RAB31: variants seen among roughly 807,000 people sequenced by gnomAD.
RAB31 encodes ras-related protein Rab-31.
Under a neutral mutation model 25.6 loss-of-function variants are expected in RAB31, and 21 were observed. The observed-to-expected ratio is 0.82, with a 90% CI of 0.58 to 1.18. The LOEUF (loss-of-function observed/expected upper bound fraction) is 1.18, where lower values mean the gene tolerates loss of function less well. Among genes scored for constraint, RAB31 ranks in the 50% most tolerant of loss-of-function variants. RAB31 has a pLI of 0.00. For synonymous variants in RAB31, 87 were observed against 84.0 expected (o/e 1.04, Z -0.20); for missense variants, 196 against 250.1 (o/e 0.78, Z 1.46).
intron 3 of RAB31, among the ~76,000 whole-genome samples, chr18:9,810,400 A>G (rs1015622835): frequency 2.6e-5 from 4 of 152,172 alleles, no homozygotes; most frequent in East Asian, 1.9e-4. Flanking sequence ...TTTGCTTTCT[A>G]TTTGTAAGGG....
chr18:9,711,887 T>G (rs2145451268), intron 1 of RAB31, among the ~76,000 whole-genome samples: 2 of 152,376 alleles, frequency 1.3e-5, no homozygotes, highest in South Asian at 4.1e-4. Flanking sequence ...GGTACTGTGC[T>G]CAGTGGGGAC....
chr18:9,754,906 A>G (rs1049498977), intron 1 of RAB31, among the ~76,000 whole-genome samples: 1 of 152,150 alleles, frequency 6.6e-6, no homozygotes, highest in Non-Finnish European at 1.5e-5. Context: ...TAAAGGCATT[A>G]CCATACCTGC....
At chr18:9,773,401 C>T (rs1307112307) in intron 1 of RAB31, among the ~76,000 whole-genome samples, 1 of 152,048 alleles carries the variant, frequency 6.6e-6, no homozygotes, top group Non-Finnish European at 1.5e-5. Context: ...TTCATTCTCT[C>T]GATAAATCAC....
At chr18:9,711,191 C>CT (rs1338947916) in intron 1 of RAB31, among the ~76,000 whole-genome samples, 1 of 151,968 alleles carries the variant, frequency 6.6e-6, no homozygotes, top group African/African-American at 2.4e-5. Context: ...TCTCTCTCCT[C>CT]TTTTTTGTTT....
rs117805781 is a variant in RAB31, at chr18:9,723,355, G to A, written c.39+14911G>A. Among the ~76,000 whole-genome samples, 54 of 152,232 alleles carry A rather than the reference G, an allele frequency of 3.5e-4. No homozygotes were observed. In the East Asian group the frequency reaches 0.01, roughly 29 times the overall value. On this transcript the variant is annotated intron_variant, in intron 1 of 6. Transcript: ENST00000578921. ...GAGCCACCGTGCCTGGCCTGTAAAA[G>A]CATTTTTATGAGCATGTGAATAATG... is the stretch of plus-strand genomic sequence containing the variant.
rs16955697 is a variant in RAB31, at chr18:9,815,102, C to T, written c.274-14C>T. The T allele has an allele frequency of 0.07, 104,978 of 1,489,654 alleles. 5,587 individuals carry two copies. Among genetic ancestry groups the T allele is most frequent in the East Asian group, 0.32 (12,979 of 40,560 alleles). The allele number at this position is 1,489,654 out of a possible 1,614,324, so 92.3% of individuals were successfully genotyped here. ...AGGGGTCTTTCTAATGATTTGTGTACACTGTTGGTTTAGGATTCATTTTAT... is the reference window on the plus strand; with the variant it reads ...AGGGGTCTTTCTAATGATTTGTGTATACTGTTGGTTTAGGATTCATTTTAT... On this transcript the variant is annotated splice_polypyrimidine_tract_variant and intron_variant, in intron 4 of 6. Coordinates refer to ENST00000578921, the MANE Select transcript of RAB31 (RefSeq NM_006868.4).
chr18:9,823,045 G>T (rs968914098), intron 5 of RAB31, among the ~76,000 whole-genome samples: 1 of 152,196 alleles, frequency 6.6e-6, no homozygotes, highest in African/African-American at 2.4e-5. Flanking sequence ...TAAACAAACT[G>T]TGGTGCATCC....
At chr18:9,857,912 C>T (rs936883756) in intron 6 of RAB31, among the ~76,000 whole-genome samples, 17 of 151,894 alleles carry the variant, frequency 1.1e-4, no homozygotes, top group African/African-American at 4.1e-4. Flanking sequence ...CACCTATAGT[C>T]CCAGCTACTC....
chr18:9,765,296 T>C (rs1222405959), intron 1 of RAB31, among the ~76,000 whole-genome samples: 1 of 152,178 alleles, frequency 6.6e-6, no homozygotes, highest in Admixed American at 6.5e-5. Context: ...ACAAATAATT[T>C]TGTGTTATGG....
intron 1 of RAB31, among the ~76,000 whole-genome samples, chr18:9,747,238 A>G (rs554852092): frequency 2.6e-5 from 4 of 152,338 alleles, no homozygotes; most frequent in South Asian, 4.1e-4. Context: ...TAGGATGGCT[A>G]TTTAAAAAAA....
chr18:9,725,222 T>C (rs564630633), intron 1 of RAB31, among the ~76,000 whole-genome samples: 137 of 152,266 alleles, frequency 9.0e-4, no homozygotes, highest in Non-Finnish European at 1.7e-3. Flanking sequence ...ATTTTATTGA[T>C]CAAGCATTTT....
chr18:9,754,622 A>G (rs2068251761), intron 1 of RAB31, among the ~76,000 whole-genome samples: 1 of 152,204 alleles, frequency 6.6e-6, no homozygotes, highest in Non-Finnish European at 1.5e-5. Flanking sequence ...ATATGGCATA[A>G]CAACTATTTA....
At chr18:9,729,595 A>G (rs912941264) in intron 1 of RAB31, among the ~76,000 whole-genome samples, 4 of 152,024 alleles carry the variant, frequency 2.6e-5, no homozygotes, top group African/African-American at 9.7e-5. Flanking sequence ...TACATTTTAA[A>G]TTATTTGAGC....
intron 3 of RAB31, among the ~76,000 whole-genome samples, chr18:9,799,565 T>C (rs534137827): frequency 6.6e-6 from 1 of 152,280 alleles, no homozygotes; most frequent in East Asian, 1.9e-4. Flanking sequence ...GGCATGATCA[T>C]AGCTCATTGT....
intron 2 of RAB31, among the ~76,000 whole-genome samples, chr18:9,776,786 A>T (rs1041956991): frequency 3.9e-5 from 6 of 152,146 alleles, no homozygotes; most frequent in African/African-American, 1.4e-4. Context: ...AGGGAACGCA[A>T]GTCTTCTACA....
chr18:9,708,461 A>T lies in RAB31; in HGVS notation c.39+17A>T. ...CTTCTCGGGGTGAGTCCTGGCCGCC[A>T]CCCGCCGGCGGACCCCGGCCCGCGC... On this transcript the variant is annotated intron_variant, in intron 1 of 6. Coordinates refer to ENST00000578921, the MANE Select transcript of RAB31 (RefSeq NM_006868.4). This position sits in a 1 kb window ranked among gnomAD's most constrained non-coding sequence, Gnocchi z 6.4. The T allele has an allele frequency of 1.3e-6, 2 of 1,544,438 alleles. No individual in the cohort carries two copies. The highest frequency in any genetic ancestry group is 2.9e-5 in the African/African-American group (2 of 69,788).
At chr18:9,813,882 A>G (rs2068587676) in intron 3 of RAB31, 138 bp from the exon 4 acceptor site, 1 of 481,702 alleles carries the variant, frequency 2.1e-6, no homozygotes, top group Non-Finnish European at 3.7e-6. Flanking sequence ...AATAAATAAT[A>G]TGAACCATGG....
intron 2 of RAB31, among the ~76,000 whole-genome samples, chr18:9,783,513 A>G (rs1403679713): frequency 6.6e-6 from 1 of 152,184 alleles, no homozygotes; most frequent in African/African-American, 2.4e-5. Flanking sequence ...TTATCGCAGC[A>G]CCTAGAATAT....
At chr18:9,792,270 C>T in intron 3 of RAB31, 35 bp downstream of exon 3, 1 of 1,584,884 alleles carries the variant, frequency 6.3e-7, no homozygotes, top group Non-Finnish European at 8.6e-7. Context: ...AAAACAAGAT[C>T]CAGTGAAAAT....
Sources: allele counts gnomAD v4.1 joint callset (sites outside exome capture counted in the v4.1 genomes callset), GRCh38; gene constraint gnomAD v4.1.1; non-coding constraint Gnocchi (gnomAD v3.1); transcripts MANE v1.5; gene names NCBI Gene and HGNC (gene_info 2026-07-23, HGNC 2026-07-21).